RFC3: variants seen among roughly 807,000 people sequenced by gnomAD.
The protein encoded by RFC3 is A1 38 kDa subunit.
A neutral mutation model predicts 45.1 loss-of-function variants in RFC3; 41 were observed. That is an observed-to-expected ratio of 0.91 (90% CI 0.71 to 1.18). The LOEUF (loss-of-function observed/expected upper bound fraction) is 1.18. Ranked by LOEUF, RFC3 falls within the 50% of genes most tolerant of loss-of-function variation. RFC3 has a pLI of 0.00. For missense variants in RFC3, 423 were observed against 428.1 expected (o/e 0.99, Z 0.10); for synonymous variants, 149 against 144.0 (o/e 1.03, Z -0.25).
intron 8 of RFC3, among the ~76,000 whole-genome samples, chr13:33,917,356 A>T (rs552431846): frequency 6.6e-6 from 1 of 152,252 alleles, no homozygotes; most frequent in South Asian, 2.1e-4. Flanking sequence ...CATGGAAAGG[A>T]TGGTTAGTCT....
At chr13:33,951,631 G>A (rs994410828) in intron 8 of RFC3, among the ~76,000 whole-genome samples, 4 of 151,948 alleles carry the variant, frequency 2.6e-5, no homozygotes, top group African/African-American at 4.8e-5. Context: ...ATTACCTTTC[G>A]AAAGCTATCC....
chr13:33,932,446 G>A (rs978936613), intron 8 of RFC3, among the ~76,000 whole-genome samples: 1 of 152,018 alleles, frequency 6.6e-6, no homozygotes, highest in African/African-American at 2.4e-5. Context: ...AACCATTTTT[G>A]TATGCCTTTA....
intron 8 of RFC3, among the ~76,000 whole-genome samples, chr13:33,945,025 C>T (rs1009830921): frequency 2.0e-5 from 3 of 152,126 alleles, no homozygotes; most frequent in African/African-American, 7.2e-5. Context: ...TTTCTGAGAC[C>T]TATTTCCTCC....
At chr13:33,897,883 A>G (rs1331872293) in intron 8 of RFC3, among the ~76,000 whole-genome samples, 1 of 152,050 alleles carries the variant, frequency 6.6e-6, no homozygotes. Context: ...ATAAATATCT[A>G]TGTACCCATC....
chr13:33,862,758 A>T lies in RFC3; in HGVS notation c.879+27541A>T, dbSNP rs976286705. Among the ~76,000 whole-genome samples the T allele has an allele frequency of 2.6e-5, 4 of 152,188 alleles. 1 individual carries two copies. In the South Asian group the frequency reaches 8.3e-4, roughly 31 times the overall value. On this transcript the variant is annotated intron_variant, in intron 8 of 8. Transcript: ENST00000434425. The stretch of plus-strand genomic sequence containing the variant: ...TTAAATTTTCAAGTATTTTGATCTG[A>T]TCACTTTCTGCAATTGACAATTTAA...
Position 33,836,221 on chromosome 13 carries a change from G to T in RFC3, c.997G>T (p.Glu333Ter). Residue 333 changes from glutamate to a stop codon, truncating the protein, a stop_gained, in exon 9 of 9, where the codon GAA becomes TAA. Coordinates refer to ENST00000380071, the MANE Select transcript of RFC3 (RefSeq NM_002915.4). LOFTEE classifies it high-confidence loss of function. ...GGGTAGCAAAGCCATTTATCACTTG[G>T]AAGCGTTTGTGGCCAAATTCATGGC... The part of the protein sequence containing the change: ...QLGSKAIYHL[E>*]AFVAKFMALY... 6.2e-7 allele frequency: 1 copy of T among 1,613,536 alleles called. No homozygotes were observed. Among genetic ancestry groups the T allele is most frequent in the Non-Finnish European group, 8.5e-7 (1 of 1,179,582 alleles).
At chr13:33,897,704 A>G (rs770441922) in intron 8 of RFC3, among the ~76,000 whole-genome samples, 6 of 152,112 alleles carry the variant, frequency 3.9e-5, no homozygotes, top group Non-Finnish European at 7.4e-5. Flanking sequence ...ACATAGACTG[A>G]AAGTGAAGGA....
chr13:33,856,121 A>G (rs2082307577), intron 8 of RFC3, among the ~76,000 whole-genome samples: 1 of 152,186 alleles, frequency 6.6e-6, no homozygotes, highest in Non-Finnish European at 1.5e-5. Flanking sequence ...TTAAGTCTTA[A>G]TCCATCTTGA....
At chr13:33,920,535 C>A (rs1360218355) in intron 8 of RFC3, among the ~76,000 whole-genome samples, 1 of 148,756 alleles carries the variant, frequency 6.7e-6, no homozygotes, top group African/African-American at 2.5e-5. Flanking sequence ...CTCAAGTGAT[C>A]CTCCTGCCTT....
intron 8 of RFC3, among the ~76,000 whole-genome samples, chr13:33,889,910 A>G (rs954286638): frequency 1.1e-4 from 16 of 152,260 alleles, no homozygotes; most frequent in African/African-American, 3.9e-4. Context: ...ATTTGTGTCA[A>G]CATGGATGAA....
chr13:33,925,789 T>C (rs2082808009), intron 8 of RFC3, among the ~76,000 whole-genome samples: 2 of 151,778 alleles, frequency 1.3e-5, no homozygotes, highest in Non-Finnish European at 2.9e-5. Flanking sequence ...AAAGAGACTA[T>C]GGAATGAACC....
rs58858615 is a variant in RFC3 at position 33,834,298 on chromosome 13, G to GTATATATATATATATATATA, written c.810-836_810-817dup. Among the ~76,000 whole-genome samples, 35 of 109,200 alleles carry GTATATATATATATATATATA rather than the reference G, an allele frequency of 3.2e-4. 1 individual carries two copies. The highest frequency in any genetic ancestry group is 1.3e-3 in the African/African-American group (32 of 24,202). 71.6% of individuals were successfully genotyped at this position (109,200 alleles called of 152,430 possible). The stretch of plus-strand genomic sequence containing the variant: ...GAAGTATGGAACATCTGTACTGTGT[G>GTATATATATATATATATATA]TATATATATATATATATATATATAT... On this transcript the variant is annotated intron_variant, in intron 7 of 8. Transcript: ENST00000380071.
intron 7 of RFC3, among the ~76,000 whole-genome samples, chr13:33,834,298 G>GTATATATACATATATATA (rs2082130566): frequency 1.8e-5 from 2 of 109,206 alleles, no homozygotes; most frequent in South Asian, 3.1e-4. Context: ...TGTACTGTGT[G>GTATATATACATATATATA]TATATATATA....
At position 33,836,454 on chromosome 13, in the gene RFC3, A is replaced by G; in HGVS notation, c.*159A>G. ...AACTATTAATCATCCTCTGAGTTAA[A>G]TAATTGCTCCTATACTATTGAAGTA... On this transcript the variant is annotated 3_prime_UTR_variant, in exon 9 of 9. Transcript: ENST00000380071. 3 of 1,432,016 alleles carry G rather than the reference A, an allele frequency of 2.1e-6. No individual in the cohort carries two copies. The highest frequency in any genetic ancestry group is 2.7e-6 in the Non-Finnish European group (3 of 1,095,172). The allele number at this position is 1,432,016 out of a possible 1,614,324, so 88.7% of individuals were successfully genotyped here. A position where few individuals can be genotyped will look rare whatever the true frequency, so the allele number is the denominator to read the frequency against.
chr13:33,951,868 A>G (rs2082993303), intron 8 of RFC3, among the ~76,000 whole-genome samples: 1 of 152,224 alleles, frequency 6.6e-6, no homozygotes, highest in African/African-American at 2.4e-5. Context: ...TGAAAGGGAA[A>G]TATTATTATC....
chr13:33,895,024 A>G (rs144043222), intron 8 of RFC3, among the ~76,000 whole-genome samples: 2 of 152,356 alleles, frequency 1.3e-5, no homozygotes, highest in African/African-American at 2.4e-5. Flanking sequence ...AAGGATTTAA[A>G]TGTAAGACCT....
chr13:33,911,391 TA>T (rs1452329723), intron 8 of RFC3, among the ~76,000 whole-genome samples: 2 of 152,142 alleles, frequency 1.3e-5, no homozygotes, highest in Non-Finnish European at 2.9e-5. Context: ...TACTCTTTCT[TA>T]ACTAGCTGTG....
chr13:33,866,741 G>T (rs762014968), intron 8 of RFC3, among the ~76,000 whole-genome samples: 2 of 152,040 alleles, frequency 1.3e-5, no homozygotes, highest in Admixed American at 6.5e-5. Context: ...CTGGGAAAAA[G>T]GAAATACCTA....
chr13:33,834,314 A>G (rs1272043081), intron 7 of RFC3, among the ~76,000 whole-genome samples: 7 of 127,780 alleles, frequency 5.5e-5, no homozygotes, highest in East Asian at 2.4e-4. Flanking sequence ...ATATATATAT[A>G]TATATATATA....
Sources: allele counts gnomAD v4.1 joint callset (sites outside exome capture counted in the v4.1 genomes callset), GRCh38; gene constraint gnomAD v4.1.1; transcripts MANE v1.5; gene names NCBI Gene and HGNC (gene_info 2026-07-23, HGNC 2026-07-21).